The following FCHSD1 variants were observed in gnomAD, a reference collection of about 807,000 sequenced individuals.
The protein encoded by FCHSD1 is F-BAR and double SH3 domains protein 1.
FCHSD1 carries 109 observed loss-of-function variants against 101.3 expected under a neutral mutation model. The observed-to-expected ratio is 1.08, with a 90% CI of 0.92 to 1.26. The LOEUF is 1.26. Among genes scored for constraint, FCHSD1 ranks in the 50% most tolerant of loss-of-function variants. The probability of loss-of-function intolerance (pLI) is 0.00; values close to 1 mark genes in which losing one functional copy is unlikely to be tolerated. For synonymous variants in FCHSD1, 291 were observed against 356.8 expected (o/e 0.82, Z 2.08); for missense variants, 820 against 895.8 (o/e 0.92, Z 1.08).
chr5:141,647,695 A>G (rs2099907824), intron 8 of FCHSD1, 175 bp from the exon 9 acceptor site: 6 of 1,063,682 alleles, frequency 5.6e-6, no homozygotes, highest in Middle Eastern at 2.1e-4. Context: ...ACACGTTCAC[A>G]TCCATTCTCT....
Position 141,641,675 on chromosome 5 carries a change from A to C in FCHSD1, c.2007+27T>G, listed in dbSNP as rs575557501. On this transcript the variant is annotated intron_variant, in intron 19 of 19. Transcript: ENST00000435817. Reference sequence around the variant, plus strand: ...TGGTTGGAATAACCCCTCTACATACAATCTCCTCCAAGGCAAGGGCCCTTA... The same window carrying C: ...TGGTTGGAATAACCCCTCTACATACCATCTCCTCCAAGGCAAGGGCCCTTA... 7.4e-6 allele frequency: 12 copies of C among 1,613,726 alleles called. No homozygotes were observed. The South Asian group carries it at 1.2e-4, about 16-fold the overall frequency.
Position 141,644,561 on chromosome 5 carries a change from T to G in FCHSD1, c.1642+12A>C. 6.2e-7 allele frequency: 1 copy of G among 1,613,170 alleles called. No individual in the cohort carries two copies. Among genetic ancestry groups the G allele is most frequent in the Non-Finnish European group, 8.5e-7 (1 of 1,179,292 alleles). ...ACCCAGGGTCCTCTAACCCAAAATT[T>G]CCCTTTCTTACCTGTGGGCTCTGCC... On this transcript the variant is annotated intron_variant, in intron 16 of 19. Coordinates refer to ENST00000435817, the MANE Select transcript of FCHSD1 (RefSeq NM_033449.3).
Position 141,646,668 on chromosome 5 carries a change from T to C in FCHSD1, c.979A>G (p.Lys327Glu), listed in dbSNP as rs902469668. The C allele has an allele frequency of 6.2e-7, 1 of 1,613,152 alleles. No individual in the cohort carries two copies. The highest frequency in any genetic ancestry group is 1.7e-5 in the Admixed American group (1 of 59,952). ...EGVAGKSGLEKEVQRLTSRAA... is the reference protein window; with the variant it reads ...EGVAGKSGLEEEVQRLTSRAA... ...CGGCTGGTCAAGCGCTGAACCTCTT[T>C]CTCCAGGCCACTCTTGCCAGCCACG... Residue 327 changes from lysine to glutamate, a missense_variant, in exon 11 of 20, where the codon AAA (lysine) becomes GAA (glutamate). By Grantham distance (56) the Lys-to-Glu change is moderately conservative. Transcript: ENST00000435817.
rs1466261004 is a variant in FCHSD1 at position 141,649,308 on chromosome 5, C to T, written c.376G>A (p.Gly126Arg). Residue 126 changes from glycine (G) to arginine (R), a missense_variant and splice_region_variant, in exon 6 of 20, where the codon GGA (glycine) becomes AGA (arginine). Physicochemically the swap from Gly to Arg is moderately radical, Grantham distance 125. Coordinates refer to ENST00000435817, the MANE Select transcript of FCHSD1 (RefSeq NM_033449.3). The surrounding 1 kb of genome is among the most constrained non-coding windows in gnomAD (Gnocchi z 4.1). ...RSAKEQVLRK[G>R]TENLQRAQAE... ...TGCGCCCTCTGGAGGTTCTCTGTTC[C>T]CTATTGGGATGCATACACAAAGTCC... 4 of 1,613,878 alleles carry T rather than the reference C, an allele frequency of 2.5e-6. No individual in the cohort carries two copies. Among genetic ancestry groups the T allele is most frequent in the Non-Finnish European group, 3.4e-6 (4 of 1,179,892 alleles).
rs1225443430 is a variant in FCHSD1 at position 141,640,199 on chromosome 5, G to C, written c.*1299C>G. ...AAGGGAACCCCAGAGCTTCTGCAGAGCCAACACTGAGGGCCGGAGGGAGGG... is the reference window on the plus strand; with the variant it reads ...AAGGGAACCCCAGAGCTTCTGCAGACCCAACACTGAGGGCCGGAGGGAGGG... On this transcript the variant is annotated 3_prime_UTR_variant, in exon 20 of 20. Transcript: ENST00000435817. 6.2e-7 allele frequency: 1 copy of C among 1,614,058 alleles called. No homozygotes were observed. The highest frequency in any genetic ancestry group is 1.3e-5 in the African/African-American group (1 of 74,936).
At position 141,643,093 on chromosome 5, in the gene FCHSD1, A is replaced by G; in HGVS notation, c.1864-5T>C. 6.8e-7 allele frequency: 1 copy of G among 1,471,468 alleles called. No homozygotes were observed. Among genetic ancestry groups the G allele is most frequent in the Non-Finnish European group, 9.0e-7 (1 of 1,111,288 alleles). The allele number at this position is 1,471,468 out of a possible 1,614,324, so 91.2% of individuals were successfully genotyped here. ...AGGAGAAGGGGACGGCAGCATCTGG[A>G]GGTGGGGTGGGCACAGAGTTATTCC... is the stretch of plus-strand genomic sequence containing the variant. On this transcript the variant is annotated splice_polypyrimidine_tract_variant and splice_region_variant and intron_variant, in intron 17 of 19. Coordinates refer to ENST00000435817, the MANE Select transcript of FCHSD1 (RefSeq NM_033449.3).
intron 8 of FCHSD1, 180 bp downstream of exon 8, chr5:141,647,788 T>C: frequency 5.9e-6 from 6 of 1,016,728 alleles, no homozygotes; most frequent in Admixed American, 5.7e-5. Flanking sequence ...AGAGTTTAAG[T>C]GTACTGTACA....
In FCHSD1 at chr5:141,650,850, G is replaced by A. The variant is rs953350359; in HGVS notation, c.119+170C>T. Among the ~76,000 whole-genome samples the A allele has an allele frequency of 2.0e-5, 3 of 151,988 alleles. No homozygotes were observed. The East Asian group carries it at 5.8e-4, about 29-fold the overall frequency. The stretch of plus-strand genomic sequence containing the variant: ...GAGGGGGTTGGGAGGGGTTAGGTGG[G>A]GGAGCATTCCTATCCAGTATCTGGA... On this transcript the variant is annotated intron_variant, in intron 2 of 19. Coordinates refer to ENST00000435817, the MANE Select transcript of FCHSD1 (RefSeq NM_033449.3).
chr5:141,651,100 C>T lies in FCHSD1; in HGVS notation c.39G>A (p.Glu13=). 1 of 1,591,616 alleles carries T rather than the reference C, an allele frequency of 6.3e-7. No homozygotes were observed. Among genetic ancestry groups the T allele is most frequent in the Non-Finnish European group, 8.6e-7 (1 of 1,168,586 alleles). Reference sequence around the variant, plus strand: ...GCTGTTCCAGGAAGCGAAGCTTCACCTCCTGGGCCGGCTTCACCTGTGGGG... The same window carrying T: ...GCTGTTCCAGGAAGCGAAGCTTCACTTCCTGGGCCGGCTTCACCTGTGGGG... The part of the protein sequence containing the change: ...PPPRKVKPAQ[E]VKLRFLEQLS... Residue 13 remains glutamate, a synonymous_variant, in exon 2 of 20, where the codon GAG becomes GAA. Coordinates refer to ENST00000435817, the MANE Select transcript of FCHSD1 (RefSeq NM_033449.3).
rs201923955 is a variant in FCHSD1, at chr5:141,642,545, AAAG to A, written c.1951+453_1951+455del. On this transcript the variant is annotated intron_variant, in intron 18 of 19. Coordinates refer to ENST00000435817, the MANE Select transcript of FCHSD1 (RefSeq NM_033449.3). ...AATAAAACTGCTATAGACATTTAAA[AAAG>A]AAAAAAAGTGGGCATCAGAAAAAAT... 1,856 of 503,886 alleles carry A rather than the reference AAAG, an allele frequency of 3.7e-3. 1 individual carries two copies. Among genetic ancestry groups the A allele is most frequent in the African/African-American group, 4.3e-3 (193 of 44,454 alleles). 31.2% of individuals were successfully genotyped at this position (503,886 alleles called of 1,614,324 possible). A position where few individuals can be genotyped will look rare whatever the true frequency, so the allele number is the denominator to read the frequency against.
chr5:141,649,059 T>A lies in FCHSD1; in HGVS notation c.513-39A>T. The A allele has an allele frequency of 1.2e-6, 2 of 1,613,900 alleles. No homozygotes were observed. The highest frequency in any genetic ancestry group is 1.7e-6 in the Non-Finnish European group (2 of 1,179,850). On this transcript the variant is annotated intron_variant, in intron 6 of 19. Coordinates refer to ENST00000435817, the MANE Select transcript of FCHSD1 (RefSeq NM_033449.3). This position sits in a 1 kb window ranked among gnomAD's most constrained non-coding sequence, Gnocchi z 4.1. ...AGAAAGGAGTCAGGCCCACCCCAAG[T>A]GGGAGAATATGAGATCAGAGTCAGG...
rs373548661 is a variant in FCHSD1, at chr5:141,649,549, G to A, written c.234-13C>T. 48 of 1,608,428 alleles carry A rather than the reference G, an allele frequency of 3.0e-5. No individual in the cohort carries two copies. The African/African-American group carries it at 5.6e-4, about 19-fold the overall frequency. ...CACTGTCCTGCCCCTCCCCAGAGAA[G>A]GTCTGTGTTGAGGAGGAGAGCACTC... is the stretch of plus-strand genomic sequence containing the variant. On this transcript the variant is annotated splice_polypyrimidine_tract_variant and intron_variant, in intron 4 of 19. Coordinates refer to ENST00000435817, the MANE Select transcript of FCHSD1 (RefSeq NM_033449.3). This position sits in a 1 kb window ranked among gnomAD's most constrained non-coding sequence, Gnocchi z 4.1.
intron 18 of FCHSD1, 174 bp downstream of exon 18, chr5:141,642,827 A>G: frequency 1.7e-6 from 1 of 594,342 alleles, no homozygotes; most frequent in Non-Finnish European, 2.9e-6. Context: ...ACACACTTGG[A>G]GATGACAGAG....
rs570245868 is a variant in FCHSD1 at position 141,641,968 on chromosome 5, T to C, written c.1952-211A>G. Reference sequence around the variant, plus strand: ...GCTCAAGGTACAAAACTAAGGGAGATAGGATGCATAGTGCTCCCACCCCCA... The same window carrying C: ...GCTCAAGGTACAAAACTAAGGGAGACAGGATGCATAGTGCTCCCACCCCCA... On this transcript the variant is annotated intron_variant, in intron 18 of 19. Coordinates refer to ENST00000435817, the MANE Select transcript of FCHSD1 (RefSeq NM_033449.3). 3.6e-5 allele frequency: 22 copies of C among 605,770 alleles called. No homozygotes were observed. The South Asian group carries it at 4.4e-4, about 12-fold the overall frequency. 37.5% of individuals were successfully genotyped at this position (605,770 alleles called of 1,614,324 possible). A position where few individuals can be genotyped will look rare whatever the true frequency, so the allele number is the denominator to read the frequency against.
chr5:141,639,953 A>G lies in FCHSD1; in HGVS notation c.*1545T>C. On this transcript the variant is annotated 3_prime_UTR_variant, in exon 20 of 20. Transcript: ENST00000435817. The surrounding 1 kb of genome is among the most constrained non-coding windows in gnomAD (Gnocchi z 4.4). ...TGACACACATTGAGAAGCGCTATGG[A>G]CTGCACGAACACCGTGATGGCTCCC... 1 of 1,613,958 alleles carries G rather than the reference A, an allele frequency of 6.2e-7. No homozygotes were observed. The highest frequency in any genetic ancestry group is 1.3e-5 in the African/African-American group (1 of 75,002).
intron 3 of FCHSD1, among the ~76,000 whole-genome samples, 153 bp downstream of exon 3, chr5:141,650,206 A>C (rs566221202): frequency 1.3e-5 from 2 of 152,228 alleles, no homozygotes; most frequent in African/African-American, 2.4e-5. Flanking sequence ...GTCCAAGGTC[A>C]CATGGCTATA....
chr5:141,647,414 T>G lies in FCHSD1; in HGVS notation c.812A>C (p.Glu271Ala), dbSNP rs762843830. The change falls in exon 9 of 20, where the codon GAG becomes GCG. Residue 271 changes from glutamate to alanine, a missense_variant. Transcript: ENST00000435817. The part of the protein sequence containing the change: ...EVILEHAHRG[E>A]QTTSQVSWEQ... ...AGCCCTCACCTGGGAGGTTGTCTGC[T>G]CCCCGCGGTGGGCATGCTCCAGGAT... The G allele has an allele frequency of 6.9e-6, 11 of 1,599,544 alleles. No homozygotes were observed. Among genetic ancestry groups the G allele is most frequent in the Non-Finnish European group, 8.5e-6 (10 of 1,171,988 alleles).
chr5:141,647,798 A>C, intron 8 of FCHSD1, 170 bp downstream of exon 8: 2 of 1,085,736 alleles, frequency 1.8e-6, no homozygotes, highest in South Asian at 3.2e-5. Flanking sequence ...TGTACTGTAC[A>C]ATGCCATGCA....
chr5:141,644,955 C>G lies in FCHSD1; in HGVS notation c.1441-13G>C. On this transcript the variant is annotated splice_polypyrimidine_tract_variant and intron_variant, in intron 14 of 19. Coordinates refer to ENST00000435817, the MANE Select transcript of FCHSD1 (RefSeq NM_033449.3). ...CCTCACGCCCTGCCTGGGCCACACA[C>G]GAAGGATTCAGGACTTGGCTGTCCC... The G allele has an allele frequency of 1.2e-6, 2 of 1,613,964 alleles. No homozygotes were observed. Among genetic ancestry groups the G allele is most frequent in the Non-Finnish European group, 1.7e-6 (2 of 1,179,858 alleles).
Sources: gnomAD v4.1 joint callset for allele counts (sites outside exome capture counted in the v4.1 genomes callset) on GRCh38, gnomAD v4.1.1 for gene constraint, Gnocchi (gnomAD v3.1) non-coding constraint, MANE v1.5 for transcripts, NCBI Gene and HGNC (gene_info 2026-07-23, HGNC 2026-07-21) for gene names.